DCDC2B: variants seen among roughly 807,000 people sequenced by gnomAD.
The protein encoded by DCDC2B is doublecortin domain-containing protein 2B.
A neutral mutation model predicts 38.9 loss-of-function variants in DCDC2B; 41 were observed. The observed-to-expected ratio is 1.05, with a 90% CI of 0.82 to 1.37. DCDC2B has a LOEUF of 1.37. DCDC2B is among the 40% of genes most tolerant of loss of function. DCDC2B has a pLI of 0.00. For synonymous variants in DCDC2B, 181 were observed against 171.9 expected, an observed-to-expected ratio of 1.05 and a Z score of -0.41; for missense variants, 453 against 427.2, an observed-to-expected ratio of 1.06 and a Z score of -0.53.
At chr1:32,211,392 G>A (rs1643577694) in intron 2 of DCDC2B, 69 bp downstream of exon 2, 3 of 1,554,050 alleles carry the variant, frequency 1.9e-6, no homozygotes, top group Admixed American at 3.5e-5. Flanking sequence ...CCCCCAATTT[G>A]GTCTGGGAAG....
intron 8 of DCDC2B, 53 bp downstream of exon 8, chr1:32,215,596 G>A: frequency 1.3e-6 from 2 of 1,544,182 alleles, no homozygotes; most frequent in Middle Eastern, 1.7e-4. Context: ...GCTCTGAGCT[G>A]GAAACTGGCA....
chr1:32,211,191 CCCCAA>C, intron 1 of DCDC2B, 76 bp from the exon 2 acceptor site: 5 of 1,333,164 alleles, frequency 3.8e-6, no homozygotes, highest in Non-Finnish European at 5.4e-6. Flanking sequence ...GTGAGCTGCG[CCCCAA>C]CCCAACACTG....
chr1:32,210,531 A>T (rs2124205698), intron 1 of DCDC2B, among the ~76,000 whole-genome samples: 1 of 151,998 alleles, frequency 6.6e-6, no homozygotes, highest in South Asian at 2.1e-4. Flanking sequence ...AAGAAAAAAA[A>T]GGCCAGAGGA....
intron 5 of DCDC2B, 50 bp downstream of exon 5, chr1:32,212,686 C>A (rs1315158987): frequency 6.2e-7 from 1 of 1,612,590 alleles, no homozygotes. Flanking sequence ...AGGAAGCCAC[C>A]CTCTGGGTCT....
At chr1:32,209,596 C>T (rs1643497821) in intron 1 of DCDC2B, among the ~76,000 whole-genome samples, 1 of 152,126 alleles carries the variant, frequency 6.6e-6, no homozygotes, top group Non-Finnish European at 1.5e-5. Flanking sequence ...TGTTTATGCC[C>T]ATCACAGCCA....
intron 2 of DCDC2B, 148 bp downstream of exon 2, chr1:32,211,471 C>T (rs749344808): frequency 8.1e-5 from 66 of 816,556 alleles, no homozygotes; most frequent in African/African-American, 1.2e-4. Flanking sequence ...TTTCCTGGGG[C>T]GTGGGATTTC....
chr1:32,210,520 AAAG>A, intron 1 of DCDC2B, among the ~76,000 whole-genome samples: 1 of 151,930 alleles, frequency 6.6e-6, no homozygotes, highest in African/African-American at 2.4e-5. Flanking sequence ...AAAGAGAAAA[AAAG>A]AAAAAAAAGG....
chr1:32,215,112 A>C (rs544434878), intron 7 of DCDC2B, 180 bp downstream of exon 7: 106 of 513,302 alleles, frequency 2.1e-4, no homozygotes, highest in Non-Finnish European at 2.9e-4. Flanking sequence ...ACTGCCCGTA[A>C]AAAAAAAAAA....
Position 32,215,433 on chromosome 1 carries a change from T to A in DCDC2B, c.851-7T>A. On this transcript the variant is annotated splice_region_variant and splice_polypyrimidine_tract_variant and intron_variant, in intron 7 of 8. Transcript: ENST00000409358. Reference sequence around the variant, plus strand: ...GGGCATCACCCAGTGCTGCCTCCCCTCTTTAGGAGTTATAGGAGTATATGG... The same window carrying A: ...GGGCATCACCCAGTGCTGCCTCCCCACTTTAGGAGTTATAGGAGTATATGG... 1.2e-6 allele frequency: 2 copies of A among 1,607,178 alleles called. No individual in the cohort carries two copies. Among genetic ancestry groups the A allele is most frequent in the South Asian group, 2.2e-5 (2 of 90,350 alleles).
chr1:32,209,324 T>A lies in DCDC2B; in HGVS notation c.231T>A (p.Tyr77Ter), dbSNP rs201134740. The A allele has an allele frequency of 8.5e-5, 137 of 1,613,868 alleles. No homozygotes were observed. Among genetic ancestry groups the A allele is most frequent in the Non-Finnish European group, 6.8e-6 (8 of 1,179,896 alleles). ...CAGACTTGAAGAACAGAGGGCAGTA[T>A]GTGGCCGCTGGATTTGAACGATTCC... ...NLADLKNRGQ[Y>*]VAAGFERFHK... The change falls in exon 1 of 9, where the codon TAT (tyrosine) becomes TAA (stop). Residue 77 changes from tyrosine (Y) to a stop codon, truncating the protein, a stop_gained. Coordinates refer to ENST00000409358, the MANE Select transcript of DCDC2B (RefSeq NM_001099434.2). LOFTEE classifies it high-confidence loss of function.
intron 8 of DCDC2B, 36 bp downstream of exon 8, chr1:32,215,579 G>T: frequency 6.3e-7 from 1 of 1,595,264 alleles, no homozygotes. Flanking sequence ...ATGTTGGGGT[G>T]GGAGGAGCTC....
At position 32,215,501 on chromosome 1, in the gene DCDC2B, A is replaced by G. The variant is rs777619000; in HGVS notation, c.912A>G (p.Val304=). Residue 304 remains valine, a synonymous_variant, in exon 8 of 9, where the codon GTA becomes GTG. Transcript: ENST00000409358. ...AGGAGACAGCGGGGGCCCTGGAAGTAGCAGATGATGAAGACACTCAGACAG... is the reference window on the plus strand; with the variant it reads ...AGGAGACAGCGGGGGCCCTGGAAGTGGCAGATGATGAAGACACTCAGACAG... The part of the protein sequence containing the change: ...RRKETAGALE[V]ADDEDTQTEE... 18 of 1,613,808 alleles carry G rather than the reference A, an allele frequency of 1.1e-5. No homozygotes were observed. The highest frequency in any genetic ancestry group is 1.5e-5 in the Non-Finnish European group (18 of 1,179,846).
rs777830542 is a variant in DCDC2B, at chr1:32,211,310, G to A, written c.305G>A (p.Ser102Asn). Residue 102 changes from serine (S) to asparagine (N), a missense_variant, in exon 2 of 9, where the codon AGC (serine) becomes AAC (asparagine). Ser to Asn is a conservative substitution (Grantham distance 46). Transcript: ENST00000409358. ...PHRGKDPGGKSCRLQGPPVTR... is the reference protein window; with the variant it reads ...PHRGKDPGGKNCRLQGPPVTR... ...AGAGGGAAGGACCCAGGTGGGAAGA[G>A]CTGCAGACTACAAGTGAGTCCCGGG... 2 of 1,613,916 alleles carry A rather than the reference G, an allele frequency of 1.2e-6. No homozygotes were observed. The highest frequency in any genetic ancestry group is 4.5e-5 in the East Asian group (2 of 44,886).
chr1:32,215,587 C>T lies in DCDC2B; in HGVS notation c.954+44C>T, dbSNP rs374155684. 3.8e-6 allele frequency: 6 copies of T among 1,575,134 alleles called. No homozygotes were observed. The African/African-American group carries it at 8.1e-5, about 21-fold the overall frequency. On this transcript the variant is annotated intron_variant, in intron 8 of 8. Transcript: ENST00000409358. ...AAACAGTATGTTGGGGTGGGAGGAG[C>T]TCTGAGCTGGAAACTGGCAGCCTTG...
In DCDC2B at chr1:32,215,488, G is replaced by A; in HGVS notation, c.899G>A (p.Gly300Glu). 1 of 1,613,732 alleles carries A rather than the reference G, an allele frequency of 6.2e-7. No individual in the cohort carries two copies. Among genetic ancestry groups the A allele is most frequent in the Non-Finnish European group, 8.5e-7 (1 of 1,179,828 alleles). The change falls in exon 8 of 9, where the codon GGG becomes GAG. Residue 300 changes from glycine (G) to glutamate (E), a missense_variant. Physicochemically the swap from Gly to Glu is moderately conservative, Grantham distance 98. Transcript: ENST00000409358. ...CCCCACCGAAGGAAGGAGACAGCGG[G>A]GGCCCTGGAAGTAGCAGATGATGAA... ...GAPHRRKETA[G>E]ALEVADDEDT...
In DCDC2B at chr1:32,212,578, A is replaced by G; in HGVS notation, c.616A>G (p.Lys206Glu). 6.2e-7 allele frequency: 1 copy of G among 1,614,022 alleles called. No individual in the cohort carries two copies. The highest frequency in any genetic ancestry group is 8.5e-7 in the Non-Finnish European group (1 of 1,179,894). The change falls in exon 5 of 9, where the codon AAG (lysine) becomes GAG (glutamate). Residue 206 changes from lysine to glutamate, a missense_variant. Coordinates refer to ENST00000409358, the MANE Select transcript of DCDC2B (RefSeq NM_001099434.2). ...TGTGGCTGTCGGAGAGGATGAGTTC[A>G]AGGACCTTCCCTATCTGGAGCTGCT... The part of the protein sequence containing the change: ...YYVAVGEDEF[K>E]DLPYLELLVP...
At chr1:32,211,456 C>G in intron 2 of DCDC2B, 133 bp downstream of exon 2, 1 of 895,744 alleles carries the variant, frequency 1.1e-6, no homozygotes. Flanking sequence ...GAGCCAGCTA[C>G]TATCTTTCCT....
At chr1:32,214,979 G>A (rs780480238) in intron 7 of DCDC2B, 47 bp downstream of exon 7, 38 of 1,610,146 alleles carry the variant, frequency 2.4e-5, no homozygotes, top group South Asian at 4.4e-5. Context: ...CCCTTTGACA[G>A]TGACATAGGT....
At position 32,215,999 on chromosome 1, in the gene DCDC2B, C is replaced by T; in HGVS notation, c.*102C>T. The stretch of plus-strand genomic sequence containing the variant: ...CTCAGGAGCCAGCACCTCCGCTGGG[C>T]TCACAGGGTACACTGCGGCCTCCTC... On this transcript the variant is annotated 3_prime_UTR_variant, in exon 9 of 9. Coordinates refer to ENST00000409358, the MANE Select transcript of DCDC2B (RefSeq NM_001099434.2). 3.0e-6 allele frequency: 3 copies of T among 1,011,676 alleles called. No individual in the cohort carries two copies. Among genetic ancestry groups the T allele is most frequent in the Non-Finnish European group, 4.5e-6 (3 of 666,626 alleles). The allele number at this position is 1,011,676 out of a possible 1,614,324, so 62.7% of individuals were successfully genotyped here.
Sources: gnomAD v4.1 joint callset for allele counts (sites outside exome capture counted in the v4.1 genomes callset) on GRCh38, gnomAD v4.1.1 for gene constraint, MANE v1.5 for transcripts, NCBI Gene and HGNC (gene_info 2026-07-23, HGNC 2026-07-21) for gene names.